SPAG16: variants seen among roughly 807,000 people sequenced by gnomAD.
SPAG16 encodes the protein sperm-associated antigen 16 protein.
A neutral mutation model predicts 80.4 loss-of-function variants in SPAG16; 86 were observed. That is an observed-to-expected ratio of 1.07 (90% CI 0.90 to 1.28). The LOEUF (loss-of-function observed/expected upper bound fraction) is 1.28, where lower values mean the gene tolerates loss of function less well. SPAG16 is among the 50% of genes most tolerant of loss of function. The probability of loss-of-function intolerance (pLI) is 0.00; values close to 1 mark genes in which losing one functional copy is unlikely to be tolerated. For missense variants in SPAG16, 870 were observed against 765.3 expected, an observed-to-expected ratio of 1.14 and a Z score of -1.61; for synonymous variants, 294 against 265.9, an observed-to-expected ratio of 1.11 and a Z score of -1.03.
At chr2:213,534,842 C>T (rs1319370210) in intron 10 of SPAG16, among the ~76,000 whole-genome samples, 1 of 152,082 alleles carries the variant, frequency 6.6e-6, no homozygotes, top group Admixed American at 6.6e-5. Flanking sequence ...TTCTAACTTC[C>T]TGCACATTAG....
intron 12 of SPAG16, among the ~76,000 whole-genome samples, chr2:214,005,591 C>T (rs144800575): frequency 1.3e-5 from 2 of 152,222 alleles, no homozygotes; most frequent in East Asian, 1.9e-4. Flanking sequence ...GTAGAGCTTG[C>T]GGCAGACTCC....
At chr2:214,013,828 T>G (rs1159117910) in intron 12 of SPAG16, 123 bp from the exon 13 acceptor site, 27 of 912,500 alleles carry the variant, frequency 3.0e-5, no homozygotes, top group Non-Finnish European at 4.2e-5. Flanking sequence ...AAAATGTTGT[T>G]ATTGTAAAAT....
rs73989463 is a variant in SPAG16 at position 214,375,272 on chromosome 2, G to A, written c.1721-34868G>A. 4.5e-3 allele frequency among the ~76,000 whole-genome samples: 686 copies of A among 152,266 alleles called. 4 individuals carry two copies. Among genetic ancestry groups the A allele is most frequent in the African/African-American group, 0.014 (571 of 41,540 alleles). ...GTGCTTGGGTTTCCAAGAAAAATAT[G>A]TGAAATTGTTAGAAAATGTGGAAGT... On this transcript the variant is annotated intron_variant, in intron 15 of 15. Coordinates refer to ENST00000331683, the MANE Select transcript of SPAG16 (RefSeq NM_024532.5).
At chr2:213,551,188 C>T (rs532898020) in intron 10 of SPAG16, among the ~76,000 whole-genome samples, 1 of 152,320 alleles carries the variant, frequency 6.6e-6, no homozygotes, top group East Asian at 1.9e-4. Flanking sequence ...AGAGACTCCT[C>T]TGAAGCTCCT....
intron 14 of SPAG16, among the ~76,000 whole-genome samples, chr2:214,136,303 T>G (rs2055048659): frequency 6.6e-6 from 1 of 152,172 alleles, no homozygotes; most frequent in South Asian, 2.1e-4. Flanking sequence ...CATCAGGTTT[T>G]CAATTCCGAG....
intron 15 of SPAG16, among the ~76,000 whole-genome samples, chr2:214,152,991 C>T (rs1395629740): frequency 6.6e-6 from 1 of 152,072 alleles, no homozygotes; most frequent in African/African-American, 2.4e-5. Context: ...AGCACAGCAT[C>T]ACAGGGAGAT....
intron 10 of SPAG16, among the ~76,000 whole-genome samples, chr2:213,491,709 A>T (rs2074242770): frequency 6.6e-6 from 1 of 152,188 alleles, no homozygotes; most frequent in Admixed American, 6.5e-5. Flanking sequence ...GCTTCTATTA[A>T]ATGAAAATGT....
intron 13 of SPAG16, among the ~76,000 whole-genome samples, chr2:214,090,811 G>A (rs2052137730): frequency 6.6e-6 from 1 of 151,838 alleles, no homozygotes; most frequent in Non-Finnish European, 1.5e-5. Flanking sequence ...TTCCTCATTA[G>A]TCTTTGCGTC....
At chr2:213,440,054 A>G (rs995476226) in intron 9 of SPAG16, among the ~76,000 whole-genome samples, 6 of 152,190 alleles carry the variant, frequency 3.9e-5, no homozygotes, top group Non-Finnish European at 7.4e-5. Context: ...GTAGCTGTCA[A>G]TTTTGCTAGG....
Position 214,410,264 on chromosome 2 carries a change from G to A in SPAG16, c.1845G>A (p.Gly615=). The A allele has an allele frequency of 6.2e-7, 1 of 1,610,854 alleles. No homozygotes were observed. The highest frequency in any genetic ancestry group is 8.5e-7 in the Non-Finnish European group (1 of 1,177,230). ...EAHTVVFSHD[G]EILFSGGSDG... is the part of the protein sequence containing the mutation. ...ACACGGTTGTGTTTTCTCACGACGG[G>A]GAGATTCTCTTTTCTGGAGGCTCTG... Residue 615 remains glycine (G), a synonymous_variant, in exon 16 of 16, where the codon GGG becomes GGA. Coordinates refer to ENST00000331683, the MANE Select transcript of SPAG16 (RefSeq NM_024532.5).
chr2:214,055,742 C>A (rs1302081170), intron 13 of SPAG16, among the ~76,000 whole-genome samples: 2 of 152,246 alleles, frequency 1.3e-5, no homozygotes, highest in South Asian at 2.1e-4. Flanking sequence ...TAAAAAAAAT[C>A]TTTTGCTTAC....
chr2:213,819,270 A>G (rs1559493998), intron 10 of SPAG16, among the ~76,000 whole-genome samples: 11 of 152,208 alleles, frequency 7.2e-5, no homozygotes. Context: ...TTCAAATGAT[A>G]TTCAAGCTAT....
chr2:213,802,401 C>CTATCTATA (rs1404384879), intron 10 of SPAG16, among the ~76,000 whole-genome samples: 2 of 86,744 alleles, frequency 2.3e-5, no homozygotes, highest in Admixed American at 1.1e-4. Context: ...ATGTCTCTAT[C>CTATCTATA]TATCTATCTA....
chr2:213,957,978 G>A (rs1284303229), intron 12 of SPAG16, among the ~76,000 whole-genome samples: 3 of 152,194 alleles, frequency 2.0e-5, no homozygotes, highest in African/African-American at 7.2e-5. Context: ...AGACACAGAG[G>A]AGGCAGCACA....
chr2:214,206,396 G>A (rs1364299520), intron 15 of SPAG16, among the ~76,000 whole-genome samples: 1 of 152,088 alleles, frequency 6.6e-6, no homozygotes, highest in Non-Finnish European at 1.5e-5. Context: ...TCTGTGTGTA[G>A]TTTATTTCAC....
At chr2:213,984,615 AG>A (rs1195522578) in intron 12 of SPAG16, among the ~76,000 whole-genome samples, 1 of 152,136 alleles carries the variant, frequency 6.6e-6, no homozygotes, top group Non-Finnish European at 1.5e-5. Flanking sequence ...CCTCTGCTTC[AG>A]TCATGCTTTA....
intron 13 of SPAG16, among the ~76,000 whole-genome samples, chr2:214,104,442 C>T (rs1388551439): frequency 6.6e-6 from 1 of 151,934 alleles, no homozygotes; most frequent in Non-Finnish European, 1.5e-5. Context: ...GAGAAGGAGG[C>T]TCCTGCCATA....
chr2:214,147,476 C>T lies in SPAG16; in HGVS notation c.1594-1664C>T, dbSNP rs537818679. On this transcript the variant is annotated intron_variant, in intron 14 of 15. Coordinates refer to ENST00000331683, the MANE Select transcript of SPAG16 (RefSeq NM_024532.5). ...CAAGAGGTGCATCCAGATTAAATTC[C>T]GATAAAAACTTACCTACTCTGTTCC... 5.3e-5 allele frequency among the ~76,000 whole-genome samples: 8 copies of T among 152,150 alleles called. No homozygotes were observed. In the South Asian group the frequency reaches 8.3e-4, roughly 16 times the overall value.
At chr2:213,675,862 G>A (rs13027030) in intron 10 of SPAG16, among the ~76,000 whole-genome samples, 38,177 of 149,060 alleles carry the variant, frequency 0.26, 5,406 homozygotes, top group Middle Eastern at 0.38. Context: ...TTGACTTGGT[G>A]ATGCGGGCTC....
Sources: allele counts gnomAD v4.1 joint callset (sites outside exome capture counted in the v4.1 genomes callset), GRCh38; gene constraint gnomAD v4.1.1; transcripts MANE v1.5; gene names NCBI Gene and HGNC (gene_info 2026-07-23, HGNC 2026-07-21).